KIF13A: variants seen among roughly 807,000 people sequenced by gnomAD.
KIF13A encodes the protein kinesin family member 13A.
A neutral mutation model predicts 212.2 loss-of-function variants in KIF13A; 79 were observed. The observed-to-expected ratio is 0.37, with a 90% confidence interval of 0.31 to 0.45. The LOEUF (loss-of-function observed/expected upper bound fraction) is 0.45, where lower values mean the gene tolerates loss of function less well. Among genes scored for constraint, KIF13A ranks in the 20% least tolerant of loss-of-function variants. KIF13A has a pLI of 1.00. For missense variants in KIF13A, 1,901 were observed against 2,209.0 expected (o/e 0.86, Z 2.79); for synonymous variants, 789 against 808.6 (o/e 0.98, Z 0.41).
chr6:17,772,167 T>G lies in KIF13A; in HGVS notation c.4325-108A>C, dbSNP rs746096223. The G allele has an allele frequency of 2.0e-5, 21 of 1,043,266 alleles. No individual in the cohort carries two copies. The highest frequency in any genetic ancestry group is 2.8e-5 in the Non-Finnish European group (20 of 706,554). 64.6% of individuals were successfully genotyped at this position (1,043,266 alleles called of 1,614,324 possible). On this transcript the variant is annotated intron_variant, in intron 36 of 38. Transcript: ENST00000259711. The surrounding 1 kb of genome is among the most constrained non-coding windows in gnomAD (Gnocchi z 4.8). Reference sequence around the variant, plus strand: ...GGGAATATCTGGGAGAACAATGAAATTCATAGGCTAATATTTGGCTAAGCA... The same window carrying G: ...GGGAATATCTGGGAGAACAATGAAAGTCATAGGCTAATATTTGGCTAAGCA...
rs370748706 is a variant in KIF13A at position 17,764,205 on chromosome 6, C to G, written c.5323G>C (p.Asp1775His). ...AGCTGGCTGGGGTGGTGGAGCCCAT[C>G]GGAGACAGTCTTGCCGCCTGTTTTA... ...PNKTGGKTVS[D>H]GLHHPSQLHS... The change falls in exon 39 of 39, where the codon GAT (aspartate) becomes CAT (histidine). Residue 1775 changes from aspartate (D) to histidine (H), a missense_variant. Transcript: ENST00000259711. This position sits in a 1 kb window ranked among gnomAD's most constrained non-coding sequence, Gnocchi z 5.1. The G allele has an allele frequency of 3.7e-6, 6 of 1,614,008 alleles. No individual in the cohort carries two copies. The Middle Eastern group carries it at 9.9e-4, about 266-fold the overall frequency.
chr6:17,804,845 A>AG (rs1581358885), intron 19 of KIF13A, among the ~76,000 whole-genome samples: 1 of 140,016 alleles, frequency 7.1e-6, no homozygotes, highest in East Asian at 2.0e-4. Flanking sequence ...AAAAAAAAAA[A>AG]GAATTAGCCC....
chr6:17,905,566 T>C (rs911728164), intron 2 of KIF13A, among the ~76,000 whole-genome samples: 3 of 152,212 alleles, frequency 2.0e-5, no homozygotes, highest in South Asian at 2.1e-4. Flanking sequence ...TTTTTATACA[T>C]ATATCACAAA....
chr6:17,913,986 TG>T (rs1054892579), intron 2 of KIF13A, among the ~76,000 whole-genome samples: 3 of 152,182 alleles, frequency 2.0e-5, no homozygotes, highest in African/African-American at 7.2e-5. Flanking sequence ...TTCCAAGGTA[TG>T]GGCCACAATC....
Position 17,777,439 on chromosome 6 carries a change from A to G in KIF13A, c.4093-85T>C. ...CACTCTGTTGCCCAGGCTGGAGTGT[A>G]GTGATGCGATCTCTGCTCACTGCAA... On this transcript the variant is annotated intron_variant, in intron 33 of 38. Transcript: ENST00000259711. This position sits in a 1 kb window ranked among gnomAD's most constrained non-coding sequence, Gnocchi z 4.4. 1.8e-6 allele frequency: 2 copies of G among 1,126,280 alleles called. No individual in the cohort carries two copies. The highest frequency in any genetic ancestry group is 2.6e-6 in the Non-Finnish European group (2 of 763,568). The allele number at this position is 1,126,280 out of a possible 1,614,324, so 69.8% of individuals were successfully genotyped here.
chr6:17,961,934 C>T lies in KIF13A; in HGVS notation c.146+25120G>A, dbSNP rs146125464. Among the ~76,000 whole-genome samples the T allele has an allele frequency of 5.7e-3, 869 of 152,272 alleles. 6 individuals are homozygous for T. Among genetic ancestry groups the T allele is most frequent in the African/African-American group, 0.02 (818 of 41,542 alleles). ...AATTTCAGAATTGGGATACATTTGA[C>T]AATCAAGGTTTAATAGTTCAACGGG... On this transcript the variant is annotated intron_variant, in intron 2 of 38. Coordinates refer to ENST00000259711, the MANE Select transcript of KIF13A (RefSeq NM_022113.6). The surrounding 1 kb of genome is among the most constrained non-coding windows in gnomAD (Gnocchi z 4.1).
In KIF13A at chr6:17,839,121, A is replaced by G. The variant is rs140823907; in HGVS notation, c.831-1538T>C. The stretch of plus-strand genomic sequence containing the variant: ...AGGCGTGAGCCACTGCGCCCAGCCA[A>G]GAAGCTTAATTAATACTTAATGAGT... On this transcript the variant is annotated intron_variant, in intron 9 of 38. Coordinates refer to ENST00000259711, the MANE Select transcript of KIF13A (RefSeq NM_022113.6). This position sits in a 1 kb window ranked among gnomAD's most constrained non-coding sequence, Gnocchi z 4.3. 1.6e-4 allele frequency among the ~76,000 whole-genome samples: 24 copies of G among 152,268 alleles called. No individual in the cohort carries two copies. In the East Asian group the frequency reaches 4.4e-3, roughly 28 times the overall value.
In KIF13A at chr6:17,787,905, G is replaced by A. The variant is rs1561972551; in HGVS notation, c.3262-30C>T. ...CATCAGGGAGGGAAAATATTTTCCTGTAGACTGCACAGACAACGATTTCTT... is the reference window on the plus strand; with the variant it reads ...CATCAGGGAGGGAAAATATTTTCCTATAGACTGCACAGACAACGATTTCTT... On this transcript the variant is annotated intron_variant, in intron 26 of 38. Transcript: ENST00000259711. This position sits in a 1 kb window ranked among gnomAD's most constrained non-coding sequence, Gnocchi z 4.6. The A allele has an allele frequency of 1.7e-6, 2 of 1,206,232 alleles. No homozygotes were observed. Among genetic ancestry groups the A allele is most frequent in the East Asian group, 2.3e-5 (1 of 42,942 alleles). The allele number at this position is 1,206,232 out of a possible 1,614,324, so 74.7% of individuals were successfully genotyped here.
chr6:17,985,265 T>C (rs1161106849), intron 2 of KIF13A, among the ~76,000 whole-genome samples: 2 of 152,182 alleles, frequency 1.3e-5, no homozygotes, highest in African/African-American at 4.8e-5. Context: ...AGCAGATGAA[T>C]AGATCCCAAA....
At chr6:17,858,271 C>T (rs1439146285) in intron 4 of KIF13A, among the ~76,000 whole-genome samples, 2 of 152,082 alleles carry the variant, frequency 1.3e-5, no homozygotes, top group Admixed American at 1.3e-4. Flanking sequence ...TTCCACCAAA[C>T]AAGTTGGTGG....
At chr6:17,875,572 A>G (rs899040026) in intron 3 of KIF13A, among the ~76,000 whole-genome samples, 1 of 150,766 alleles carries the variant, frequency 6.6e-6, no homozygotes, top group Non-Finnish European at 1.5e-5. Flanking sequence ...CTCCTGCCTC[A>G]GCCTCCCAAG....
At chr6:17,985,823 T>C (rs1158086905) in intron 2 of KIF13A, among the ~76,000 whole-genome samples, 2 of 152,168 alleles carry the variant, frequency 1.3e-5, no homozygotes, top group Non-Finnish European at 2.9e-5. Flanking sequence ...AAACACTACA[T>C]TCAGTGTTAA....
At chr6:17,842,637 G>A (rs1766632911) in intron 9 of KIF13A, among the ~76,000 whole-genome samples, 1 of 152,112 alleles carries the variant, frequency 6.6e-6, no homozygotes, top group Admixed American at 6.5e-5. Context: ...TTAGGCAGGG[G>A]TGGGAGGGCC....
intron 16 of KIF13A, among the ~76,000 whole-genome samples, 181 bp from the exon 17 acceptor site, chr6:17,817,414 T>G (rs1764045547): frequency 6.6e-6 from 1 of 152,232 alleles, no homozygotes; most frequent in African/African-American, 2.4e-5. Flanking sequence ...TTACAGACAT[T>G]GCAGATAAAT....
intron 17 of KIF13A, among the ~76,000 whole-genome samples, chr6:17,813,629 CTTGCGCTGCAGGGCAG>C (rs1273668195): frequency 4.9e-4 from 75 of 152,278 alleles, no homozygotes; most frequent in Middle Eastern, 3.4e-3. Flanking sequence ...TGTTGCGAGC[CTTGCGCTGCAGGGCAG>C]GGTTCCCTTT....
At chr6:17,959,521 T>C (rs1341037092) in intron 2 of KIF13A, among the ~76,000 whole-genome samples, 1 of 152,174 alleles carries the variant, frequency 6.6e-6, no homozygotes, top group Non-Finnish European at 1.5e-5. Flanking sequence ...GAATGTATTC[T>C]TAGAAAAATA....
intron 2 of KIF13A, among the ~76,000 whole-genome samples, chr6:17,970,009 G>C (rs1157296439): frequency 9.9e-5 from 15 of 150,964 alleles, no homozygotes; most frequent in Admixed American, 7.9e-4. Context: ...TGAAAGCTCT[G>C]CCTCCCGGGT....
rs987900664 is a variant in KIF13A at position 17,856,352 on chromosome 6, A to C, written c.221-230T>G. Among the ~76,000 whole-genome samples the C allele has an allele frequency of 6.6e-6, 1 of 152,164 alleles. No homozygotes were observed. Among genetic ancestry groups the C allele is most frequent in the Non-Finnish European group, 1.5e-5 (1 of 68,018 alleles). ...GTTTCCCTCTAAGACACTTCTCTAG[A>C]TATTAAAGTTTTCTTTCCATTGTGA... On this transcript the variant is annotated intron_variant, in intron 4 of 38. Coordinates refer to ENST00000259711, the MANE Select transcript of KIF13A (RefSeq NM_022113.6). This position sits in a 1 kb window ranked among gnomAD's most constrained non-coding sequence, Gnocchi z 4.5.
At chr6:17,879,784 T>A (rs924386323) in intron 3 of KIF13A, among the ~76,000 whole-genome samples, 2 of 152,204 alleles carry the variant, frequency 1.3e-5, no homozygotes, top group African/African-American at 4.8e-5. Flanking sequence ...TTACCCTTCC[T>A]TTCATGCCAA....
Sources: allele counts gnomAD v4.1 joint callset (sites outside exome capture counted in the v4.1 genomes callset), GRCh38; gene constraint gnomAD v4.1.1; non-coding constraint Gnocchi (gnomAD v3.1); transcripts MANE v1.5; gene names NCBI Gene and HGNC (gene_info 2026-07-23, HGNC 2026-07-21).